Variants in CSMD2 observed in about 807,000 individuals in gnomAD.
CSMD2 encodes CUB and sushi domain-containing protein 2.
In CSMD2, 130 loss-of-function variants were observed where a neutral mutation model predicts 398.5. That is an observed-to-expected ratio of 0.33 (90% CI 0.28 to 0.38). CSMD2 has a LOEUF of 0.38. Among genes scored for constraint, CSMD2 ranks in the 10% least tolerant of loss-of-function variants. CSMD2 has a pLI of 1.00. For synonymous variants in CSMD2, 1,828 were observed against 1,908.5 expected, an observed-to-expected ratio of 0.96 and a Z score of 1.10; for missense variants, 3,829 against 4,764.9, an observed-to-expected ratio of 0.80 and a Z score of 5.78.
chr1:33,750,985 G>A (rs1350983271), intron 13 of CSMD2, among the ~76,000 whole-genome samples: 1 of 151,988 alleles, frequency 6.6e-6, no homozygotes, highest in Non-Finnish European at 1.5e-5. Context: ...AGAGACAAAT[G>A]GAGAGAAAAT....
At chr1:34,003,751 C>G (rs1223686982) in intron 3 of CSMD2, among the ~76,000 whole-genome samples, 1 of 152,190 alleles carries the variant, frequency 6.6e-6, no homozygotes, top group Non-Finnish European at 1.5e-5. Flanking sequence ...GCCTCTTCCT[C>G]TCCTTGTCCT....
intron 3 of CSMD2, among the ~76,000 whole-genome samples, chr1:33,965,995 C>A (rs1356998758): frequency 6.6e-6 from 1 of 152,190 alleles, no homozygotes; most frequent in Non-Finnish European, 1.5e-5. Context: ...GGGAATAAGT[C>A]CAGTGGCCAA....
intron 2 of CSMD2, among the ~76,000 whole-genome samples, chr1:34,078,483 G>T (rs1264053644): frequency 6.6e-6 from 1 of 152,150 alleles, no homozygotes; most frequent in Non-Finnish European, 1.5e-5. Context: ...CCTAAGAACA[G>T]AAGGGCAGGA....
chr1:33,770,228 T>C (rs996731628), intron 13 of CSMD2, among the ~76,000 whole-genome samples: 12 of 152,222 alleles, frequency 7.9e-5, no homozygotes, highest in African/African-American at 2.7e-4. Context: ...TGCTACCCTA[T>C]TGGATAGGTC....
At chr1:34,060,916 A>G (rs1180652366) in intron 2 of CSMD2, among the ~76,000 whole-genome samples, 1 of 151,952 alleles carries the variant, frequency 6.6e-6, no homozygotes, top group Non-Finnish European at 1.5e-5. Context: ...GTTGAGATGC[A>G]CAAAGGCCCC....
chr1:33,800,159 A>G (rs1350978714), intron 10 of CSMD2, among the ~76,000 whole-genome samples: 2 of 152,198 alleles, frequency 1.3e-5, no homozygotes, highest in Non-Finnish European at 2.9e-5. Flanking sequence ...TCAGTTTACA[A>G]TGTTGCTGCC....
intron 29 of CSMD2, among the ~76,000 whole-genome samples, chr1:33,638,258 C>T (rs1392072368): frequency 6.6e-6 from 1 of 152,156 alleles, no homozygotes; most frequent in African/African-American, 2.4e-5. Flanking sequence ...TAGAACTGGC[C>T]ACTGGGTGAC....
chr1:34,083,385 T>C (rs1175124152), intron 2 of CSMD2, among the ~76,000 whole-genome samples: 1 of 152,234 alleles, frequency 6.6e-6, no homozygotes, highest in Non-Finnish European at 1.5e-5. Context: ...ATTTTGTTCA[T>C]TGTTGTAAAT....
In CSMD2 at chr1:33,883,469, C is replaced by CT. The variant is rs112250087; in HGVS notation, c.920+34624dup. Among the ~76,000 whole-genome samples the CT allele has an allele frequency of 2.4e-3, 352 of 148,148 alleles. 1 individual carries two copies. The highest frequency in any genetic ancestry group is 7.3e-3 in the African/African-American group (293 of 40,362). On this transcript the variant is annotated intron_variant, in intron 5 of 70. Coordinates refer to ENST00000373381, the MANE Select transcript of CSMD2 (RefSeq NM_001281956.2). ...AGATGTTAGGTCCCCTCACAGTTGC[C>CT]TTTTTTTTTTAAGTCAGTATTTCTC... is the stretch of plus-strand genomic sequence containing the variant.
At chr1:34,052,662 A>G (rs1379702985) in intron 2 of CSMD2, among the ~76,000 whole-genome samples, 3 of 152,106 alleles carry the variant, frequency 2.0e-5, no homozygotes, top group Non-Finnish European at 2.9e-5. Flanking sequence ...ATCTTCCTCT[A>G]TCTGAATGCA....
At chr1:33,835,762 G>A (rs1419640257) in intron 6 of CSMD2, among the ~76,000 whole-genome samples, 1 of 144,612 alleles carries the variant, frequency 6.9e-6, no homozygotes, top group African/African-American at 2.5e-5. Context: ...TTAGCCATTT[G>A]TCTAATCTTT....
In CSMD2 at chr1:33,525,012, C is replaced by T. The variant is rs761740866; in HGVS notation, c.10266G>A (p.Leu3422=). 37 of 1,614,206 alleles carry T rather than the reference C, an allele frequency of 2.3e-5. 1 individual carries two copies. The highest frequency in any genetic ancestry group is 1.8e-4 in the South Asian group (16 of 91,086). The change falls in exon 66 of 71, where the codon CTG becomes CTA. Residue 3422 remains leucine, a synonymous_variant. Transcript: ENST00000373381. ...CCTGGTATTCATAGGCCCCTTTCCA[C>T]AGGGAATTCTTGGCAAAAACATCCC... The part of the protein sequence containing the change: ...IPGDVFAKNS[L]WKGAYEYQGK...
intron 60 of CSMD2, 125 bp downstream of exon 60, chr1:33,540,400 G>T: frequency 1.1e-6 from 1 of 898,858 alleles, no homozygotes; most frequent in Non-Finnish European, 1.7e-6. Context: ...TGTCTTTGAT[G>T]AAGCTCCTCC....
intron 25 of CSMD2, among the ~76,000 whole-genome samples, chr1:33,668,181 C>T (rs895403778): frequency 1.3e-5 from 2 of 152,060 alleles, no homozygotes; most frequent in African/African-American, 4.8e-5. Flanking sequence ...GCCATGGAGG[C>T]GACACTGGGC....
chr1:33,678,964 TG>T (rs979455129), intron 25 of CSMD2, among the ~76,000 whole-genome samples: 10 of 152,332 alleles, frequency 6.6e-5, no homozygotes, highest in South Asian at 2.1e-4. Context: ...ACTTAAGCTG[TG>T]ACCTTGTGCT....
chr1:33,586,470 T>C (rs372118957), intron 46 of CSMD2, 34 bp downstream of exon 46: 75 of 1,394,924 alleles, frequency 5.4e-5, no homozygotes, highest in Non-Finnish European at 5.4e-5. Flanking sequence ...GAGGAACTTC[T>C]AGGCCCCATA....
intron 13 of CSMD2, among the ~76,000 whole-genome samples, chr1:33,752,048 T>A (rs535276668): frequency 1.3e-5 from 2 of 152,320 alleles, no homozygotes; most frequent in East Asian, 3.9e-4. Context: ...GAAGAATTAT[T>A]TGAAGCATAA....
At chr1:33,918,060 A>G in intron 5 of CSMD2, 34 bp downstream of exon 5, 1 of 1,592,368 alleles carries the variant, frequency 6.3e-7, no homozygotes. Flanking sequence ...GTTGCAGAGA[A>G]TAGGGTAGGA....
intron 3 of CSMD2, among the ~76,000 whole-genome samples, chr1:33,970,986 T>C (rs1040131169): frequency 1.3e-5 from 2 of 152,160 alleles, no homozygotes; most frequent in Non-Finnish European, 2.9e-5. Context: ...GGAGGATTAA[T>C]TGGGGTAATG....
Sources: gnomAD v4.1 joint callset for allele counts (sites outside exome capture counted in the v4.1 genomes callset) on GRCh38, gnomAD v4.1.1 for gene constraint, MANE v1.5 for transcripts, NCBI Gene and HGNC (gene_info 2026-07-23, HGNC 2026-07-21) for gene names.